Variants in ANKDD1A observed in about 807,000 individuals in gnomAD.
ANKDD1A encodes ankyrin repeat and death domain-containing protein 1A.
In ANKDD1A, 59 loss-of-function variants were observed where a neutral mutation model predicts 63.5. The observed-to-expected ratio is 0.93, with a 90% CI of 0.75 to 1.15. The LOEUF (loss-of-function observed/expected upper bound fraction) is 1.15, where lower values mean the gene tolerates loss of function less well. Among genes scored for constraint, ANKDD1A ranks in the 50% most tolerant of loss-of-function variants. The probability of loss-of-function intolerance (pLI) is 0.00; values close to 1 mark genes in which losing one functional copy is unlikely to be tolerated. For synonymous variants in ANKDD1A, 266 were observed against 263.9 expected, an observed-to-expected ratio of 1.01 and a Z score of -0.08; for missense variants, 632 against 656.4, an observed-to-expected ratio of 0.96 and a Z score of 0.41.
intron 6 of ANKDD1A, 47 bp downstream of exon 6, chr15:64,927,046 T>G: frequency 6.2e-7 from 1 of 1,602,358 alleles, no homozygotes; most frequent in Non-Finnish European, 8.5e-7. Flanking sequence ...GTGCAAAACT[T>G]GCCACCTTCC....
At chr15:64,925,088 C>T (rs1235397159) in intron 4 of ANKDD1A, among the ~76,000 whole-genome samples, 2 of 151,768 alleles carry the variant, frequency 1.3e-5, no homozygotes, top group South Asian at 2.1e-4. Context: ...ATTAGCCGGG[C>T]GTGGTGGTGG....
chr15:64,934,287 G>A, intron 9 of ANKDD1A, 53 bp downstream of exon 9: 2 of 1,528,306 alleles, frequency 1.3e-6, no homozygotes, highest in Non-Finnish European at 1.8e-6. Flanking sequence ...CCTTCCATGA[G>A]CACACTGATG....
At chr15:64,924,631 A>C (rs2085032574) in intron 4 of ANKDD1A, among the ~76,000 whole-genome samples, 1 of 152,242 alleles carries the variant, frequency 6.6e-6, no homozygotes, top group Admixed American at 6.5e-5. Context: ...AGTTTTACTA[A>C]ACTATAGACT....
rs1277861527 is a variant in ANKDD1A, at chr15:64,945,607, C to CTTTATATATATATATATATATAT, written c.1161+860_1161+861insTTTATATATATATATATATATAT. Among the ~76,000 whole-genome samples the CTTTATATATATATATATATATAT allele has an allele frequency of 3.5e-4, 26 of 73,866 alleles. 3 individuals are homozygous for CTTTATATATATATATATATATAT. The highest frequency in any genetic ancestry group is 1.5e-3 in the African/African-American group (25 of 16,206). 48.5% of individuals were successfully genotyped at this position (73,866 alleles called of 152,430 possible). The stretch of plus-strand genomic sequence containing the variant: ...TTAGAGGGATTAAATGCATTTTCAA[C>CTTTATATATATATATATATATAT]ATATATATATATATATATATATATG... On this transcript the variant is annotated intron_variant, in intron 12 of 14. Transcript: ENST00000319580.
chr15:64,954,299 TCTTCTC>T (rs1214385563), intron 14 of ANKDD1A, among the ~76,000 whole-genome samples: 3 of 24,670 alleles, frequency 1.2e-4, no homozygotes, highest in Non-Finnish European at 1.0e-3. Flanking sequence ...GTTCTCCTTT[TCTTCTC>T]CTTCTCTTCC....
intron 6 of ANKDD1A, among the ~76,000 whole-genome samples, chr15:64,927,573 A>G (rs1266363669): frequency 1.3e-5 from 2 of 150,892 alleles, no homozygotes; most frequent in African/African-American, 4.9e-5. Context: ...CTTGTGAATC[A>G]TTAGGCAAAA....
intron 14 of ANKDD1A, among the ~76,000 whole-genome samples, chr15:64,953,396 C>T (rs1186495904): frequency 7.0e-6 from 1 of 142,684 alleles, no homozygotes; most frequent in East Asian, 2.1e-4. Flanking sequence ...CTTCTTAGTT[C>T]TCCTTTTCTT....
intron 4 of ANKDD1A, among the ~76,000 whole-genome samples, chr15:64,924,768 T>G (rs1272553480): frequency 1.3e-5 from 2 of 152,226 alleles, no homozygotes; most frequent in Non-Finnish European, 1.5e-5. Flanking sequence ...TTAACCGTTT[T>G]GGAGAGTAGT....
intron 13 of ANKDD1A, 90 bp downstream of exon 13, chr15:64,947,683 A>G: frequency 6.8e-7 from 1 of 1,475,764 alleles, no homozygotes; most frequent in Non-Finnish European, 9.1e-7. Context: ...CTTCTGGTGA[A>G]AGGGCCTGTG....
At chr15:64,950,988 T>A in intron 14 of ANKDD1A, 1 of 1,272,234 alleles carries the variant, frequency 7.9e-7, no homozygotes, top group South Asian at 1.3e-5. Flanking sequence ...CAGCCCCGAG[T>A]GCCCCCAGGA....
chr15:64,948,817 C>CTCTG (rs2085244788), intron 13 of ANKDD1A, among the ~76,000 whole-genome samples: 1 of 151,828 alleles, frequency 6.6e-6, no homozygotes, highest in Admixed American at 6.6e-5. Flanking sequence ...CAGAGTGAGA[C>CTCTG]TCTGTCTCCC....
chr15:64,947,058 A>G (rs1454175288), intron 12 of ANKDD1A, among the ~76,000 whole-genome samples: 1 of 152,130 alleles, frequency 6.6e-6, no homozygotes, highest in African/African-American at 2.4e-5. Context: ...CACCCATGCT[A>G]TAAGAACACA....
At chr15:64,926,224 G>T in intron 5 of ANKDD1A, 54 bp downstream of exon 5, 1 of 1,532,190 alleles carries the variant, frequency 6.5e-7, no homozygotes, top group Non-Finnish European at 9.0e-7. Flanking sequence ...GGCTCCTGGG[G>T]CCACTCTTGC....
chr15:64,930,744 A>G (rs911080664), intron 6 of ANKDD1A, 78 bp from the exon 7 acceptor site: 1 of 1,435,048 alleles, frequency 7.0e-7, no homozygotes, highest in South Asian at 1.3e-5. Flanking sequence ...CCCAGTGTGC[A>G]TGGCTGCAGC....
chr15:64,946,587 A>G (rs1023065854), intron 12 of ANKDD1A, among the ~76,000 whole-genome samples: 2 of 152,182 alleles, frequency 1.3e-5, no homozygotes, highest in Non-Finnish European at 1.5e-5. Context: ...AGAATCACAA[A>G]TCTCCCCTGG....
intron 14 of ANKDD1A, chr15:64,950,994 CAGG>C (rs1566915242): frequency 7.9e-7 from 1 of 1,271,790 alleles, no homozygotes; most frequent in Non-Finnish European, 1.0e-6. Flanking sequence ...CGAGTGCCCC[CAGG>C]AGGTGCACAG....
Position 64,947,455 on chromosome 15 carries a change from C to G in ANKDD1A, c.1213C>G (p.Arg405Gly). ...GKSLSFKQDH[R>G]QETQQLRSVL... ...GAGCTTGTCCTTTAAGCAGGACCATCGGCAGGAAACACAGCAGCTCCGTTC... is the reference window on the plus strand; with the variant it reads ...GAGCTTGTCCTTTAAGCAGGACCATGGGCAGGAAACACAGCAGCTCCGTTC... The change falls in exon 13 of 15, where the codon CGG becomes GGG. Residue 405 changes from arginine to glycine, a missense_variant. By Grantham distance (125) the Arg-to-Gly change is moderately radical. Coordinates refer to ENST00000319580, the MANE Select transcript of ANKDD1A (RefSeq NM_182703.6). 1 of 1,614,056 alleles carries G rather than the reference C, an allele frequency of 6.2e-7. No individual in the cohort carries two copies. The highest frequency in any genetic ancestry group is 8.5e-7 in the Non-Finnish European group (1 of 1,179,976).
intron 6 of ANKDD1A, among the ~76,000 whole-genome samples, chr15:64,930,578 C>T (rs1261187331): frequency 6.6e-6 from 1 of 152,200 alleles, no homozygotes; most frequent in Non-Finnish European, 1.5e-5. Context: ...GAGGGACCGG[C>T]TTCAGATGGG....
Position 64,922,072 on chromosome 15 carries a change from C to T in ANKDD1A, c.366+53C>T, listed in dbSNP as rs564877484. 5.2e-6 allele frequency: 8 copies of T among 1,544,058 alleles called. No individual in the cohort carries two copies. The South Asian group carries it at 9.1e-5, about 18-fold the overall frequency. On this transcript the variant is annotated intron_variant, in intron 4 of 14. Coordinates refer to ENST00000319580, the MANE Select transcript of ANKDD1A (RefSeq NM_182703.6). Reference sequence around the variant, plus strand: ...CCCCTCGGCTCCCCTGGCCTGGATGCACAGGTCTCCCCCGACCTCTGTCCC... The same window carrying T: ...CCCCTCGGCTCCCCTGGCCTGGATGTACAGGTCTCCCCCGACCTCTGTCCC...
Sources: allele counts gnomAD v4.1 joint callset (sites outside exome capture counted in the v4.1 genomes callset), GRCh38; gene constraint gnomAD v4.1.1; transcripts MANE v1.5; gene names NCBI Gene and HGNC (gene_info 2026-07-23, HGNC 2026-07-21).